ZNF33A: variants seen among roughly 807,000 people sequenced by gnomAD.
The protein encoded by ZNF33A is brain my041 protein.
ZNF33A carries 9 observed loss-of-function variants against 15.9 expected under a neutral mutation model. The observed-to-expected ratio is 0.57, with a 90% confidence interval of 0.34 to 0.99. The LOEUF (loss-of-function observed/expected upper bound fraction) is 0.99. Among genes scored for constraint, ZNF33A ranks in the 50% least tolerant of loss-of-function variants. ZNF33A has a pLI of 0.02. For missense variants in ZNF33A, 843 were observed against 941.6 expected, an observed-to-expected ratio of 0.90 and a Z score of 1.37; for synonymous variants, 294 against 324.2, an observed-to-expected ratio of 0.91 and a Z score of 1.00.
At position 38,022,276 on chromosome 10, in the gene ZNF33A, A is replaced by G. The variant is rs187604004; in HGVS notation, c.250+4890A>G. Among the ~76,000 whole-genome samples, 450 of 152,340 alleles carry G rather than the reference A, an allele frequency of 3.0e-3. 5 individuals are homozygous for G. Among genetic ancestry groups the G allele is most frequent in the African/African-American group, 9.6e-3 (400 of 41,570 alleles). ...TATAGAATGAGATGACAAATCATCA[A>G]TATCTGGAATGAAACAGGGAATATC... is the stretch of plus-strand genomic sequence containing the variant. On this transcript the variant is annotated intron_variant, in intron 4 of 4. Coordinates refer to ENST00000432900, the MANE Select transcript of ZNF33A (RefSeq NM_006954.2).
chr10:38,048,724 TAAC>T (rs2066067224), intron 4 of ZNF33A, among the ~76,000 whole-genome samples: 1 of 152,178 alleles, frequency 6.6e-6, no homozygotes. Context: ...CGAGAGGATT[TAAC>T]AATCCTAAGC....
intron 4 of ZNF33A, among the ~76,000 whole-genome samples, chr10:38,025,286 A>G (rs564849426): frequency 1.8e-4 from 28 of 152,338 alleles, no homozygotes; most frequent in African/African-American, 6.7e-4. Flanking sequence ...ATGATGGAAA[A>G]GAATGGAAAA....
At chr10:38,014,818 TAATAA>T (rs973820290) in intron 2 of ZNF33A, among the ~76,000 whole-genome samples, 1 of 152,216 alleles carries the variant, frequency 6.6e-6, no homozygotes, top group African/African-American at 2.4e-5. Context: ...TTGTTAGTAT[TAATAA>T]AATAACTTGC....
chr10:38,010,977 AGGG>A (rs894189712), intron 1 of ZNF33A, among the ~76,000 whole-genome samples, 194 bp downstream of exon 1: 36 of 152,278 alleles, frequency 2.4e-4, no homozygotes, highest in African/African-American at 7.0e-4. Context: ...TGTACGGAGC[AGGG>A]TACGCAGCGT....
intron 4 of ZNF33A, among the ~76,000 whole-genome samples, chr10:38,024,175 A>AAAAAAAAAG (rs1564841335): frequency 1.4e-5 from 2 of 144,674 alleles, no homozygotes; most frequent in South Asian, 2.2e-4. Context: ...AAAAAAAAAA[A>AAAAAAAAAG]AAAAAAGAAA....
downstream of ZNF33A, among the ~76,000 whole-genome samples, chr10:38,067,174 C>T (rs2066716225): frequency 6.6e-6 from 1 of 152,144 alleles, no homozygotes; most frequent in African/African-American, 2.4e-5. Context: ...AATTTCACTT[C>T]CTTCCCCCAT....
Position 38,010,773 on chromosome 10 carries a change from G to C in ZNF33A, c.-55G>C, listed in dbSNP as rs661284. ...TTTTCTATGGCGAATGCAACCCGAC[G>C]AGGGAGTGGGGTAAGCCCCAGTGGG... On this transcript the variant is annotated 5_prime_UTR_variant, in exon 1 of 5. Coordinates refer to ENST00000432900, the MANE Select transcript of ZNF33A (RefSeq NM_006954.2). 2.5e-6 allele frequency: 4 copies of C among 1,598,354 alleles called. No homozygotes were observed. Among genetic ancestry groups the C allele is most frequent in the South Asian group, 2.2e-5 (2 of 91,096 alleles).
chr10:38,015,000 G>T (rs1375165748), intron 2 of ZNF33A, among the ~76,000 whole-genome samples: 1 of 151,888 alleles, frequency 6.6e-6, no homozygotes, highest in Non-Finnish European at 1.5e-5. Context: ...AGCCTCCCGA[G>T]GAATTGGAAT....
At chr10:38,010,825 G>C (rs762603585) in intron 1 of ZNF33A, 42 bp downstream of exon 1, 2 of 1,595,898 alleles carry the variant, frequency 1.3e-6, no homozygotes, top group East Asian at 2.2e-5. Flanking sequence ...AGGGAGCCCC[G>C]CGCGACTCCT....
chr10:38,019,950 C>G (rs1256616106), intron 4 of ZNF33A, among the ~76,000 whole-genome samples: 1 of 152,132 alleles, frequency 6.6e-6, no homozygotes, highest in African/African-American at 2.4e-5. Context: ...TGGAATGAAA[C>G]TTGGTGCATT....
intron 4 of ZNF33A, among the ~76,000 whole-genome samples, chr10:38,028,088 G>A (rs1263154142): frequency 1.3e-5 from 2 of 151,862 alleles, no homozygotes; most frequent in Non-Finnish European, 2.9e-5. Context: ...TCTACAAAGT[G>A]AGACTCTGTT....
At chr10:38,049,014 T>G (rs1214755234) in intron 4 of ZNF33A, among the ~76,000 whole-genome samples, 1 of 152,118 alleles carries the variant, frequency 6.6e-6, no homozygotes, top group Non-Finnish European at 1.5e-5. Context: ...GTAAATCACA[T>G]TCTTGATTAT....
chr10:38,048,031 A>G (rs545327711), intron 4 of ZNF33A, among the ~76,000 whole-genome samples: 8 of 152,318 alleles, frequency 5.3e-5, no homozygotes, highest in South Asian at 2.1e-4. Flanking sequence ...TTAGTTTTAA[A>G]AGCAAAAAAA....
chr10:38,020,443 T>C (rs2064683528), intron 4 of ZNF33A, among the ~76,000 whole-genome samples: 1 of 152,142 alleles, frequency 6.6e-6, no homozygotes, highest in African/African-American at 2.4e-5. Context: ...TTAGGTCTTA[T>C]TCATTCTTTC....
At position 38,043,520 on chromosome 10, in the gene ZNF33A, T is replaced by A. The variant is rs1034300625; in HGVS notation, c.251-10855T>A. ...AATAATAATAAAATTAAAAAAAAAATAGCTGTGTGACCCCAGGTCAAATTC... is the reference window on the plus strand; with the variant it reads ...AATAATAATAAAATTAAAAAAAAAAAAGCTGTGTGACCCCAGGTCAAATTC... On this transcript the variant is annotated intron_variant, in intron 4 of 4. Coordinates refer to ENST00000432900, the MANE Select transcript of ZNF33A (RefSeq NM_006954.2). Among the ~76,000 whole-genome samples the A allele has an allele frequency of 6.7e-5, 9 of 134,638 alleles. No individual in the cohort carries two copies. In the East Asian group the frequency reaches 1.7e-3, roughly 26 times the overall value. 88.3% of individuals were successfully genotyped at this position (134,638 alleles called of 152,430 possible).
chr10:38,057,544 A>G lies in ZNF33A; in HGVS notation c.*984A>G. 3.0e-6 allele frequency: 3 copies of G among 985,362 alleles called. No individual in the cohort carries two copies. In the South Asian group the frequency reaches 1.4e-4, roughly 46 times the overall value. The allele number at this position is 985,362 out of a possible 1,614,324, so 61.0% of individuals were successfully genotyped here. On this transcript the variant is annotated 3_prime_UTR_variant, in exon 5 of 5. Transcript: ENST00000432900. ...GTGGTTACATTATCAGGCCCATCCC[A>G]GATGTTTGTGATGTCCTGAAACAAT...
At chr10:38,025,321 A>G (rs1246154017) in intron 4 of ZNF33A, among the ~76,000 whole-genome samples, 3 of 152,238 alleles carry the variant, frequency 2.0e-5, no homozygotes, top group African/African-American at 7.2e-5. Flanking sequence ...ATGCTGTTAT[A>G]TAGACTATAT....
chr10:38,019,492 C>T (rs2064637536), intron 4 of ZNF33A, among the ~76,000 whole-genome samples: 2 of 152,258 alleles, frequency 1.3e-5, no homozygotes, highest in South Asian at 4.1e-4. Context: ...ATAAAATTTT[C>T]AAAGTAGCCA....
In ZNF33A at chr10:38,017,338, G is replaced by GCCTGGAAC. The variant is rs2064505942; in HGVS notation, c.202_203insCCTGGAAC (p.Glu68AlafsTer27). The stretch of plus-strand genomic sequence containing the variant: ...GGTGATCTTCAGGCTGCAACAAGGA[G>GCCTGGAAC]AAGAGCCATGGAAACAGGAGGAAGA... On this transcript the variant is annotated frameshift_variant, in exon 4 of 5. Coordinates refer to ENST00000432900, the MANE Select transcript of ZNF33A (RefSeq NM_006954.2). LOFTEE classifies it high-confidence loss of function. The GCCTGGAAC allele has an allele frequency of 6.2e-7, 1 of 1,613,964 alleles. No individual in the cohort carries two copies. The highest frequency in any genetic ancestry group is 1.1e-5 in the South Asian group (1 of 91,090).
Sources: gnomAD v4.1 joint callset for allele counts (sites outside exome capture counted in the v4.1 genomes callset) on GRCh38, gnomAD v4.1.1 for gene constraint, MANE v1.5 for transcripts, NCBI Gene and HGNC (gene_info 2026-07-23, HGNC 2026-07-21) for gene names.